The following LY86 variants were observed in gnomAD, a reference collection of about 807,000 sequenced individuals.
LY86 encodes the protein MD-1, RP105-associated.
In LY86, 20 loss-of-function variants were observed where a neutral mutation model predicts 17.3. The observed-to-expected ratio is 1.15, with a 90% confidence interval of 0.81 to 1.68. The LOEUF is 1.68. Ranked by LOEUF, LY86 falls within the 40% of genes most tolerant of loss-of-function variation. LY86 has a pLI of 0.00. For synonymous variants in LY86, 74 were observed against 70.6 expected, an observed-to-expected ratio of 1.05 and a Z score of -0.24; for missense variants, 200 against 191.9, an observed-to-expected ratio of 1.04 and a Z score of -0.25.
intron 3 of LY86, among the ~76,000 whole-genome samples, chr6:6,630,816 C>T (rs1387548010): frequency 1.3e-5 from 2 of 152,264 alleles, no homozygotes; most frequent in Middle Eastern, 3.4e-3. Flanking sequence ...TGTAGCCAGT[C>T]TGAATAGAGA....
intron 1 of LY86, among the ~76,000 whole-genome samples, chr6:6,603,936 T>C (rs530338391): frequency 2.0e-5 from 3 of 152,260 alleles, no homozygotes; most frequent in East Asian, 1.9e-4. Context: ...AAAACTTATC[T>C]AACTCTGCCT....
At chr6:6,604,999 T>TA (rs1554123716) in intron 1 of LY86, among the ~76,000 whole-genome samples, 1 of 151,634 alleles carries the variant, frequency 6.6e-6, no homozygotes, top group Non-Finnish European at 1.5e-5. Flanking sequence ...ACAGTATAGT[T>TA]AAGTCATTCA....
chr6:6,640,284 G>T (rs1762019121), intron 3 of LY86, among the ~76,000 whole-genome samples: 1 of 151,806 alleles, frequency 6.6e-6, no homozygotes, highest in Non-Finnish European at 1.5e-5. Context: ...GAGGCCGGGT[G>T]CAGTGTCTCA....
intron 1 of LY86, among the ~76,000 whole-genome samples, chr6:6,599,355 A>G (rs3789765): frequency 0.9 from 137,136 of 152,270 alleles, 61,795 homozygotes; most frequent in Middle Eastern, 0.96. Flanking sequence ...AACCAGCAGA[A>G]GAAACTTGAG....
chr6:6,603,594 A>AGAAAAAAC, intron 1 of LY86, among the ~76,000 whole-genome samples: 1 of 77,686 alleles, frequency 1.3e-5, no homozygotes, highest in Non-Finnish European at 3.2e-5. Context: ...CCAAAAACAA[A>AGAAAAAAC]AACAGAAACA....
intron 1 of LY86, among the ~76,000 whole-genome samples, chr6:6,622,116 T>G (rs1301630624): frequency 1.3e-5 from 2 of 152,226 alleles, no homozygotes; most frequent in Non-Finnish European, 2.9e-5. Flanking sequence ...GTCTTTCTGC[T>G]TTTATATACA....
chr6:6,605,963 G>A (rs184987076), intron 1 of LY86, among the ~76,000 whole-genome samples: 78 of 151,966 alleles, frequency 5.1e-4, no homozygotes, highest in Middle Eastern at 3.4e-3. Flanking sequence ...AAAGAAGCGT[G>A]GACCCAAAGA....
intron 1 of LY86, among the ~76,000 whole-genome samples, chr6:6,599,262 C>T (rs779158630): frequency 6.6e-5 from 10 of 152,168 alleles, no homozygotes; most frequent in African/African-American, 9.7e-5. Flanking sequence ...GACAGAATCA[C>T]GAGAGATGAG....
At chr6:6,613,299 C>T (rs907218708) in intron 1 of LY86, among the ~76,000 whole-genome samples, 14 of 152,236 alleles carry the variant, frequency 9.2e-5, no homozygotes, top group Non-Finnish European at 1.5e-4. Context: ...CTTGTGCAGT[C>T]TAGGGGACGG....
At chr6:6,633,964 A>T (rs550578447) in intron 3 of LY86, among the ~76,000 whole-genome samples, 7 of 152,310 alleles carry the variant, frequency 4.6e-5, no homozygotes, top group African/African-American at 1.7e-4. Context: ...TAGGTCAAGG[A>T]ATCTTCTTTG....
At chr6:6,603,260 A>G (rs1224549016) in intron 1 of LY86, among the ~76,000 whole-genome samples, 1 of 152,106 alleles carries the variant, frequency 6.6e-6, no homozygotes, top group African/African-American at 2.4e-5. Context: ...GGAGGACACA[A>G]ACATTCATAC....
chr6:6,627,341 T>C (rs1464627104), intron 3 of LY86, among the ~76,000 whole-genome samples: 2 of 152,160 alleles, frequency 1.3e-5, no homozygotes, highest in African/African-American at 4.8e-5. Context: ...CTAGAAGAAA[T>C]TGGAATCTCC....
intron 1 of LY86, among the ~76,000 whole-genome samples, chr6:6,593,403 GTC>G (rs749314356): frequency 2.2e-4 from 30 of 136,960 alleles, no homozygotes; most frequent in Admixed American, 6.1e-4. Flanking sequence ...CATCTGCAAA[GTC>G]TCTTTTGCCA....
At chr6:6,630,520 T>C (rs959458881) in intron 3 of LY86, among the ~76,000 whole-genome samples, 16 of 152,222 alleles carry the variant, frequency 1.1e-4, no homozygotes, top group Non-Finnish European at 2.1e-4. Flanking sequence ...TCAAACAGGT[T>C]CCATAAGCTA....
At chr6:6,654,449 G>A in intron 4 of LY86, 95 bp from the exon 5 acceptor site, 2 of 903,640 alleles carry the variant, frequency 2.2e-6, no homozygotes. Context: ...GTCCAGAACA[G>A]CACCCAGCAC....
At chr6:6,598,839 T>C (rs1245061547) in intron 1 of LY86, among the ~76,000 whole-genome samples, 1 of 152,216 alleles carries the variant, frequency 6.6e-6, no homozygotes, top group Non-Finnish European at 1.5e-5. Context: ...ATGCTGAACT[T>C]TGTCTGCATG....
chr6:6,593,252 A>G (rs931509600), intron 1 of LY86, among the ~76,000 whole-genome samples: 10 of 152,232 alleles, frequency 6.6e-5, no homozygotes, highest in Admixed American at 2.0e-4. Context: ...TTCTTCCTCC[A>G]TCTTCAAAGC....
At chr6:6,605,848 T>TA (rs1354764585) in intron 1 of LY86, among the ~76,000 whole-genome samples, 2 of 152,014 alleles carry the variant, frequency 1.3e-5, no homozygotes, top group African/African-American at 4.8e-5. Flanking sequence ...ATGTTACAGC[T>TA]CTTAAGGGGG....
intron 1 of LY86, among the ~76,000 whole-genome samples, chr6:6,612,388 T>C (rs191050053): frequency 3.9e-5 from 6 of 152,356 alleles, no homozygotes; most frequent in East Asian, 1.9e-4. Flanking sequence ...ATCATTTATT[T>C]TCCCCCAGTG....
Sources: gnomAD v4.1 joint callset for allele counts (sites outside exome capture counted in the v4.1 genomes callset) on GRCh38, gnomAD v4.1.1 for gene constraint, MANE v1.5 for transcripts, NCBI Gene and HGNC (gene_info 2026-07-23, HGNC 2026-07-21) for gene names.